The following HKDC1 variants were observed in gnomAD, a reference collection of about 807,000 sequenced individuals.
HKDC1 encodes the protein hexokinase domain containing 1.
In HKDC1, 66 loss-of-function variants were observed where a neutral mutation model predicts 96.6. The ratio of observed to expected loss-of-function variants is 0.68; its 90% CI spans 0.56 to 0.84. The LOEUF is 0.84. HKDC1 is among the 40% of genes least tolerant of loss of function. HKDC1 has a pLI of 0.00. For synonymous variants in HKDC1, 466 were observed against 473.1 expected (o/e 0.98, Z 0.20); for missense variants, 1,211 against 1,208.1 (o/e 1.00, Z -0.04).
rs1465412666 is a variant in HKDC1 at position 69,227,640 on chromosome 10, G to A, written c.226+271G>A. On this transcript the variant is annotated intron_variant, in intron 2 of 17. Transcript: ENST00000354624. ...GCATCTCCATGTTCTTCCCTGGTGAGTATCAACGTGGCTTTTCCGTCTCAG... is the reference window on the plus strand; with the variant it reads ...GCATCTCCATGTTCTTCCCTGGTGAATATCAACGTGGCTTTTCCGTCTCAG... 2.0e-5 allele frequency among the ~76,000 whole-genome samples: 3 copies of A among 152,202 alleles called. No homozygotes were observed. The East Asian group carries it at 5.8e-4, about 29-fold the overall frequency.
chr10:69,247,587 A>G lies in HKDC1; in HGVS notation c.1259A>G (p.His420Arg). The G allele has an allele frequency of 1.2e-6, 2 of 1,612,944 alleles. No homozygotes were observed. The highest frequency in any genetic ancestry group is 1.7e-6 in the Non-Finnish European group (2 of 1,179,282). ...VGMDGTLYKI[H>R]PQYPKRLHKV... Reference sequence around the variant, plus strand: ...ATGGACGGCACCCTCTACAAGATACACCCTCAGTGAGTGCTGCCTGCCATC... The same window carrying G: ...ATGGACGGCACCCTCTACAAGATACGCCCTCAGTGAGTGCTGCCTGCCATC... The change falls in exon 9 of 18, where the codon CAC (histidine) becomes CGC (arginine). Residue 420 changes from histidine (H) to arginine (R), a missense_variant. Physicochemically the swap from His to Arg is conservative, Grantham distance 29. Coordinates refer to ENST00000354624, the MANE Select transcript of HKDC1 (RefSeq NM_025130.4).
chr10:69,240,025 C>T (rs2132348977), intron 5 of HKDC1, among the ~76,000 whole-genome samples: 1 of 152,348 alleles, frequency 6.6e-6, no homozygotes, highest in Middle Eastern at 3.4e-3. Flanking sequence ...CCATGCCATA[C>T]ATGGGGAAGA....
rs2132383801 is a variant in HKDC1 at position 69,265,592 on chromosome 10, C to T, written c.2380C>T (p.Leu794=). Residue 794 remains leucine (L), a synonymous_variant, in exon 17 of 18, where the codon CTG becomes TTG. Transcript: ENST00000354624. The stretch of plus-strand genomic sequence containing the variant: ...CTGCTCTATTGCCTGCAGCGATCGG[C>T]TGGCCCTTCTCCAGGTCAGGAGGAT... ...KFLSQIESDR[L]ALLQVRRILQ... 2.5e-6 allele frequency: 4 copies of T among 1,613,624 alleles called. No homozygotes were observed. The highest frequency in any genetic ancestry group is 3.4e-6 in the Non-Finnish European group (4 of 1,179,898).
At chr10:69,255,069 G>A (rs1047676125) in intron 12 of HKDC1, among the ~76,000 whole-genome samples, 2 of 152,170 alleles carry the variant, frequency 1.3e-5, no homozygotes, top group Non-Finnish European at 2.9e-5. Context: ...AGCTGTCTGC[G>A]GTCCTGACGG....
At chr10:69,237,970 C>T (rs892447323) in intron 4 of HKDC1, among the ~76,000 whole-genome samples, 10 of 152,196 alleles carry the variant, frequency 6.6e-5, no homozygotes, top group Non-Finnish European at 1.0e-4. Flanking sequence ...TTGACTGAGA[C>T]GACTTGGGCG....
Position 69,243,291 on chromosome 10 carries a change from C to A in HKDC1, c.801C>A (p.Asp267Glu), listed in dbSNP as rs766398895. Residue 267 changes from aspartate (D) to glutamate (E), a missense_variant, in exon 7 of 18, where the codon GAC becomes GAA. Coordinates refer to ENST00000354624, the MANE Select transcript of HKDC1 (RefSeq NM_025130.4). ...CAGAGTGGGGGGCCTTCGGGGACGACGGGGCCCTGGAGGACATTCGCACTG... is the reference window on the plus strand; with the variant it reads ...CAGAGTGGGGGGCCTTCGGGGACGAAGGGGCCCTGGAGGACATTCGCACTG... ...INTEWGAFGD[D>E]GALEDIRTEF... 1 of 1,613,716 alleles carries A rather than the reference C, an allele frequency of 6.2e-7. No homozygotes were observed. Among genetic ancestry groups the A allele is most frequent in the Non-Finnish European group, 8.5e-7 (1 of 1,179,804 alleles).
intron 16 of HKDC1, among the ~76,000 whole-genome samples, chr10:69,263,740 A>G (rs1211884598): frequency 1.3e-5 from 2 of 152,200 alleles, no homozygotes; most frequent in African/African-American, 2.4e-5. Flanking sequence ...TGAACTAGGT[A>G]AGCTGTGAAA....
intron 12 of HKDC1, among the ~76,000 whole-genome samples, chr10:69,256,538 C>T (rs1472118014): frequency 6.6e-6 from 1 of 152,110 alleles, no homozygotes; most frequent in East Asian, 1.9e-4. Context: ...GAAACCCCAT[C>T]TCTACTAAAA....
intron 4 of HKDC1, among the ~76,000 whole-genome samples, chr10:69,237,370 G>T (rs1464215099): frequency 6.6e-6 from 1 of 151,318 alleles, no homozygotes; most frequent in East Asian, 2.0e-4. Flanking sequence ...TAAAAAAAGA[G>T]AGAGAGAAGG....
At chr10:69,221,245 A>G (rs1843058534) in intron 1 of HKDC1, among the ~76,000 whole-genome samples, 1 of 152,198 alleles carries the variant, frequency 6.6e-6, no homozygotes, top group Admixed American at 6.5e-5. Flanking sequence ...ATAGACAGTA[A>G]TTGAAATATC....
At chr10:69,235,144 A>T (rs1368569055) in intron 4 of HKDC1, among the ~76,000 whole-genome samples, 2 of 152,142 alleles carry the variant, frequency 1.3e-5, no homozygotes, top group Non-Finnish European at 2.9e-5. Flanking sequence ...ACAAGCAGCC[A>T]GATGCGGTGG....
chr10:69,250,935 A>T lies in HKDC1; in HGVS notation c.1836+283A>T, dbSNP rs59724149. The stretch of plus-strand genomic sequence containing the variant: ...GTCGAATCATATTATGGAGAGAGGG[A>T]GAAAGAGGTAATGTCCAGTGAAGGC... On this transcript the variant is annotated intron_variant, in intron 12 of 17. Coordinates refer to ENST00000354624, the MANE Select transcript of HKDC1 (RefSeq NM_025130.4). Among the ~76,000 whole-genome samples the T allele has an allele frequency of 3.3e-5, 5 of 152,304 alleles. No homozygotes were observed. In the East Asian group the frequency reaches 7.7e-4, roughly 23 times the overall value.
At chr10:69,243,413 TA>T in intron 7 of HKDC1, 48 bp downstream of exon 7, 1 of 1,465,762 alleles carries the variant, frequency 6.8e-7, no homozygotes, top group Non-Finnish European at 9.1e-7. Flanking sequence ...AGGCAGTGCC[TA>T]ATCACTCAGG....
chr10:69,264,245 T>TGTG (rs1564738676), intron 16 of HKDC1, among the ~76,000 whole-genome samples: 5 of 137,548 alleles, frequency 3.6e-5, no homozygotes, highest in South Asian at 4.8e-4. Flanking sequence ...GTGTGTGTCT[T>TGTG]TTTTTAATCT....
At chr10:69,223,691 T>A (rs1044382583) in intron 1 of HKDC1, among the ~76,000 whole-genome samples, 1 of 148,572 alleles carries the variant, frequency 6.7e-6, no homozygotes, top group Non-Finnish European at 1.5e-5. Flanking sequence ...GCTCAAGCGA[T>A]TCTCCTGCCT....
In HKDC1 at chr10:69,266,991, A is replaced by G; in HGVS notation, c.*234A>G. The G allele has an allele frequency of 2.5e-6, 1 of 407,016 alleles. No homozygotes were observed. Among genetic ancestry groups the G allele is most frequent in the Non-Finnish European group, 4.4e-6 (1 of 227,814 alleles). 25.2% of individuals were successfully genotyped at this position (407,016 alleles called of 1,614,324 possible). On this transcript the variant is annotated 3_prime_UTR_variant, in exon 18 of 18. Coordinates refer to ENST00000354624, the MANE Select transcript of HKDC1 (RefSeq NM_025130.4). ...AAAATGGGCCAACTTATGAAATCAA[A>G]GTGTCTGTCCTGAGAGATCCCCTTT...
chr10:69,243,058 A>G (rs1306039064), intron 6 of HKDC1, 124 bp from the exon 7 acceptor site: 4 of 935,342 alleles, frequency 4.3e-6, no homozygotes, highest in Non-Finnish European at 6.6e-6. Context: ...AGCGAGAGCC[A>G]GCCCCCAGGG....
rs1363179661 is a variant in HKDC1 at position 69,240,568 on chromosome 10, C to T, written c.592-84C>T. On this transcript the variant is annotated intron_variant, in intron 5 of 17. Coordinates refer to ENST00000354624, the MANE Select transcript of HKDC1 (RefSeq NM_025130.4). Reference sequence around the variant, plus strand: ...CTAGGGATGTCTCAGCAGCCACCTTCACTACCTGCTGCCTCTGTGGGGAAG... The same window carrying T: ...CTAGGGATGTCTCAGCAGCCACCTTTACTACCTGCTGCCTCTGTGGGGAAG... 2.7e-6 allele frequency: 3 copies of T among 1,130,090 alleles called. No individual in the cohort carries two copies. The Admixed American group carries it at 5.2e-5, about 20-fold the overall frequency. 70.0% of individuals were successfully genotyped at this position (1,130,090 alleles called of 1,614,324 possible).
At chr10:69,229,039 T>C (rs1020402281) in intron 2 of HKDC1, among the ~76,000 whole-genome samples, 2 of 152,112 alleles carry the variant, frequency 1.3e-5, no homozygotes, top group South Asian at 2.1e-4. Context: ...ACTGTGGTCA[T>C]GGGGTGCTGG....
Sources: allele counts gnomAD v4.1 joint callset (sites outside exome capture counted in the v4.1 genomes callset), GRCh38; gene constraint gnomAD v4.1.1; transcripts MANE v1.5; gene names NCBI Gene and HGNC (gene_info 2026-07-23, HGNC 2026-07-21).